Variants in CADPS observed in about 807,000 individuals in gnomAD.
The protein encoded by CADPS is calcium-dependent secretion activator 1.
In CADPS, 57 loss-of-function variants were observed where a neutral mutation model predicts 167.3. That is an observed-to-expected ratio of 0.34 (90% CI 0.28 to 0.42). The LOEUF (loss-of-function observed/expected upper bound fraction) is 0.42. CADPS is among the 20% of genes least tolerant of loss of function. CADPS has a pLI of 1.00. For missense variants in CADPS, 1,414 were observed against 1,738.1 expected, an observed-to-expected ratio of 0.81 and a Z score of 3.32; for synonymous variants, 676 against 635.3, an observed-to-expected ratio of 1.06 and a Z score of -0.96.
chr3:62,481,160 T>C (rs77311901), intron 22 of CADPS, among the ~76,000 whole-genome samples: 6,614 of 152,346 alleles, frequency 0.043, 155 homozygotes, highest in Middle Eastern at 0.1. Flanking sequence ...TATATTTTTT[T>C]ACATAACATT....
intron 1 of CADPS, among the ~76,000 whole-genome samples, chr3:62,807,592 C>G (rs758947950): frequency 6.6e-6 from 1 of 151,880 alleles, no homozygotes; most frequent in Non-Finnish European, 1.5e-5. Flanking sequence ...CTATCCAACA[C>G]GATAAACTCA....
intron 1 of CADPS, among the ~76,000 whole-genome samples, chr3:62,871,504 A>C (rs2082623020): frequency 6.6e-6 from 1 of 152,110 alleles, no homozygotes; most frequent in African/African-American, 2.4e-5. Context: ...TTTTTATCCT[A>C]GACTATTTCT....
At chr3:62,617,955 T>C (rs1562956028) in intron 6 of CADPS, among the ~76,000 whole-genome samples, 1 of 152,262 alleles carries the variant, frequency 6.6e-6, no homozygotes, top group East Asian at 1.9e-4. Flanking sequence ...CTACCTCTCC[T>C]TGAACTTGGT....
At chr3:62,418,567 C>A (rs1224947736) in intron 28 of CADPS, among the ~76,000 whole-genome samples, 1 of 140,596 alleles carries the variant, frequency 7.1e-6, no homozygotes, top group Non-Finnish European at 1.5e-5. Context: ...TCTCAAACTT[C>A]TGAGCTCAAG....
At chr3:62,470,727 C>T (rs904160884) in intron 24 of CADPS, 4 of 152,122 alleles carry the variant, frequency 2.6e-5, no homozygotes, top group Non-Finnish European at 5.9e-5. Flanking sequence ...CACGAAAGAT[C>T]TCTCTAAGAT....
At chr3:62,703,880 T>G (rs1343987265) in intron 3 of CADPS, among the ~76,000 whole-genome samples, 1 of 152,136 alleles carries the variant, frequency 6.6e-6, no homozygotes, top group African/African-American at 2.4e-5. Flanking sequence ...TGACTTATCT[T>G]CATAGCAAAG....
At chr3:62,424,707 GCC>G (rs2052265555) in intron 28 of CADPS, among the ~76,000 whole-genome samples, 1 of 152,110 alleles carries the variant, frequency 6.6e-6, no homozygotes, top group Non-Finnish European at 1.5e-5. Flanking sequence ...AATCAAATGG[GCC>G]AAAGCGATTC....
chr3:62,813,967 T>C (rs112548978), intron 1 of CADPS, among the ~76,000 whole-genome samples: 4 of 152,266 alleles, frequency 2.6e-5, no homozygotes, highest in East Asian at 1.9e-4. Flanking sequence ...GTGGAACTTT[T>C]CAACGACAGA....
At chr3:62,722,482 A>G (rs2076007335) in intron 3 of CADPS, among the ~76,000 whole-genome samples, 1 of 152,236 alleles carries the variant, frequency 6.6e-6, no homozygotes. Context: ...GAAGTAACTA[A>G]GGGAGACTCA....
chr3:62,552,192 C>T (rs2077414884), intron 10 of CADPS, among the ~76,000 whole-genome samples: 2 of 129,604 alleles, frequency 1.5e-5, no homozygotes, highest in Admixed American at 1.9e-4. Flanking sequence ...AACACATGGA[C>T]ACAGGAAGGG....
intron 1 of CADPS, among the ~76,000 whole-genome samples, chr3:62,784,692 A>G (rs116006622): frequency 3.1e-3 from 468 of 152,062 alleles, no homozygotes; most frequent in African/African-American, 0.01. Context: ...TAACCAGCAA[A>G]ATCCACATTG....
intron 3 of CADPS, among the ~76,000 whole-genome samples, chr3:62,706,796 T>A (rs111951980): frequency 6.6e-6 from 1 of 152,074 alleles, no homozygotes; most frequent in Non-Finnish European, 1.5e-5. Context: ...ATTTAACTTG[T>A]TTACCTCTGA....
intron 8 of CADPS, 127 bp from the exon 9 acceptor site, chr3:62,571,065 T>C: frequency 1.4e-6 from 1 of 695,358 alleles, no homozygotes; most frequent in East Asian, 2.6e-5. Context: ...GGGGCGCAGA[T>C]TTTGGAGCTC....
At chr3:62,568,245 A>G (rs2080649231) in intron 9 of CADPS, among the ~76,000 whole-genome samples, 1 of 152,204 alleles carries the variant, frequency 6.6e-6, no homozygotes, top group Non-Finnish European at 1.5e-5. Context: ...GGATGCCTAG[A>G]TGGCTGGTGG....
intron 24 of CADPS, among the ~76,000 whole-genome samples, chr3:62,467,548 G>T (rs1406790498): frequency 6.6e-6 from 1 of 151,110 alleles, no homozygotes; most frequent in African/African-American, 2.5e-5. Flanking sequence ...CATAGGCGAG[G>T]TTTGTTTGTA....
intron 28 of CADPS, among the ~76,000 whole-genome samples, chr3:62,405,210 T>C (rs1474109626): frequency 6.6e-6 from 1 of 151,402 alleles, no homozygotes; most frequent in African/African-American, 2.4e-5. Flanking sequence ...CCTCCTGGGA[T>C]TGGAAGATGA....
chr3:62,648,270 G>A (rs996088637), intron 5 of CADPS, among the ~76,000 whole-genome samples: 2 of 152,124 alleles, frequency 1.3e-5, no homozygotes, highest in African/African-American at 2.4e-5. Context: ...ATTTCTTTCT[G>A]TACTTTCAAT....
At chr3:62,871,974 G>C (rs887885013) in intron 1 of CADPS, among the ~76,000 whole-genome samples, 1 of 152,168 alleles carries the variant, frequency 6.6e-6, no homozygotes, top group Non-Finnish European at 1.5e-5. Context: ...AGTGGTGTGA[G>C]TATTGTGATA....
chr3:62,804,083 G>A (rs759718132), intron 1 of CADPS, among the ~76,000 whole-genome samples: 7 of 152,076 alleles, frequency 4.6e-5, no homozygotes, highest in Non-Finnish European at 7.3e-5. Context: ...TCCTTGAACA[G>A]CCCTGGTCAC....
Sources: gnomAD v4.1 joint callset for allele counts (sites outside exome capture counted in the v4.1 genomes callset) on GRCh38, gnomAD v4.1.1 for gene constraint, MANE v1.5 for transcripts, NCBI Gene and HGNC (gene_info 2026-07-23, HGNC 2026-07-21) for gene names.